UPRT: variants seen among roughly 807,000 people sequenced by gnomAD.
The protein encoded by UPRT is RP11-311P8.3.
In UPRT, 5 loss-of-function variants were observed where a neutral mutation model predicts 22.6. That is an observed-to-expected ratio of 0.22 (90% CI 0.12 to 0.47). The LOEUF (loss-of-function observed/expected upper bound fraction) is 0.47. Ranked by LOEUF, UPRT falls within the 20% of genes least tolerant of loss-of-function variation. The pLI is 0.99. For synonymous variants in UPRT, 77 were observed against 87.7 expected, an observed-to-expected ratio of 0.88 and a Z score of 0.68; for missense variants, 181 against 239.9, an observed-to-expected ratio of 0.75 and a Z score of 1.62.
At chrX:75,270,034 A>G (rs934422593), upstream of UPRT, among the ~76,000 whole-genome samples, 2 of 111,806 alleles carry the variant, frequency 1.8e-5, no homozygotes, top group East Asian at 2.8e-4. Flanking sequence ...TCCAGAATCT[A>G]TAAAAACGTA....
chrX:75,171,875 G>A (rs368342379), intron 4 of UPRT, among the ~76,000 whole-genome samples: 1 of 111,486 alleles, frequency 9.0e-6, no homozygotes, highest in East Asian at 2.8e-4. Context: ...CACCCAGCAG[G>A]GCTCCCAGGC....
intron 4 of UPRT, among the ~76,000 whole-genome samples, chrX:75,232,068 G>A (rs1023094085): frequency 4.5e-5 from 5 of 111,627 alleles, no homozygotes; most frequent in African/African-American, 1.3e-4. Context: ...GTGGGCGCAG[G>A]TCAGTGGGTG....
At chrX:75,237,830 G>GGA (rs1192402987) in intron 4 of UPRT, among the ~76,000 whole-genome samples, 38 of 103,575 alleles carry the variant, frequency 3.7e-4, no homozygotes, top group African/African-American at 1.2e-3. Context: ...GATAGCATTG[G>GGA]GAGATATACC....
intron 4 of UPRT, among the ~76,000 whole-genome samples, chrX:75,206,930 T>C (rs1602453696): frequency 8.9e-6 from 1 of 112,366 alleles, no homozygotes; most frequent in South Asian, 3.7e-4. Flanking sequence ...TCCCAAAGTG[T>C]TGAGATTACA....
At chrX:75,205,701 A>G (rs973091975) in intron 4 of UPRT, among the ~76,000 whole-genome samples, 4 of 111,872 alleles carry the variant, frequency 3.6e-5, no homozygotes, top group South Asian at 3.7e-4. Context: ...TGCAATCCAG[A>G]TGCAGCTCTC....
chrX:75,213,704 CTT>C (rs1400695393), intron 4 of UPRT, among the ~76,000 whole-genome samples: 1 of 110,869 alleles, frequency 9.0e-6, no homozygotes, highest in Admixed American at 9.6e-5. Flanking sequence ...ACAAAGCAGA[CTT>C]CAGAGCAAAA....
At chrX:75,234,086 G>A (rs1232252803) in intron 4 of UPRT, among the ~76,000 whole-genome samples, 3 of 110,340 alleles carry the variant, frequency 2.7e-5, no homozygotes, top group Non-Finnish European at 5.7e-5. Flanking sequence ...AAAGGATGGA[G>A]GAAGATCTAC....
chrX:75,194,161 G>T (rs926510251), intron 4 of UPRT, among the ~76,000 whole-genome samples: 1 of 111,503 alleles, frequency 9.0e-6, no homozygotes, highest in Non-Finnish European at 1.9e-5. Context: ...GATGTCCTTG[G>T]GAGTTTGGTT....
At chrX:75,292,525 A>T (rs1264545684) in intron 1 of UPRT, among the ~76,000 whole-genome samples, 1 of 111,811 alleles carries the variant, frequency 8.9e-6, no homozygotes, top group Non-Finnish European at 1.9e-5. Flanking sequence ...AGGGAAATCA[A>T]ATGCAACTTG....
intron 1 of UPRT, among the ~76,000 whole-genome samples, chrX:75,284,914 T>C (rs10126516): frequency 0.011 from 1,230 of 110,435 alleles, 15 homozygotes; most frequent in African/African-American, 0.039. Flanking sequence ...GGAAGGAACA[T>C]TAGGTGGGGG....
At chrX:75,270,459 T>A (rs2082604921), upstream of UPRT, among the ~76,000 whole-genome samples, 1 of 111,805 alleles carries the variant, frequency 8.9e-6, no homozygotes, top group African/African-American at 3.3e-5. Flanking sequence ...GGCACACATG[T>A]GTTTATTGTA....
intron 4 of UPRT, among the ~76,000 whole-genome samples, chrX:75,203,579 C>T (rs1255302565): frequency 2.7e-5 from 3 of 109,739 alleles, no homozygotes; most frequent in South Asian, 4.0e-4. Flanking sequence ...TTATGTCCAG[C>T]GTAAGGCCTA....
intron 4 of UPRT, among the ~76,000 whole-genome samples, chrX:75,187,843 G>A (rs1369588228): frequency 1.8e-5 from 2 of 111,909 alleles, no homozygotes; most frequent in East Asian, 2.8e-4. Flanking sequence ...CATTCTTCAC[G>A]TAGTTGTCCA....
At chrX:75,192,309 T>C (rs988337639) in intron 4 of UPRT, among the ~76,000 whole-genome samples, 3 of 107,536 alleles carry the variant, frequency 2.8e-5, no homozygotes, top group African/African-American at 9.9e-5. Context: ...TTTATTGCAC[T>C]GTGGTCCAAG....
rs1030276471 is a variant in UPRT, at chrX:75,173,651, A to G, written c.-447+5772A>G. Among the ~76,000 whole-genome samples the G allele has an allele frequency of 2.7e-5, 3 of 112,437 alleles. 1 individual carries two copies. The highest frequency in any genetic ancestry group is 8.4e-3 in the Middle Eastern group (2 of 239). ...GACTGGGTGCCATGGAGCAGGGGGAAGTGCTCGTCGGGGAGGCTCGGGCCA... is the reference window on the plus strand; with the variant it reads ...GACTGGGTGCCATGGAGCAGGGGGAGGTGCTCGTCGGGGAGGCTCGGGCCA... On this transcript the variant is annotated intron_variant, in intron 4 of 13. Transcript: ENST00000652605.
At position 75,165,967 on chromosome X, in the gene UPRT, A is replaced by T. The variant is rs947981601; in HGVS notation, c.-520-1839A>T. On this transcript the variant is annotated intron_variant, in intron 3 of 13. Transcript: ENST00000652605. ...TATCATGGAAAGTTTCTGAAATATA[A>T]CTTATTCTCTAGCTCATTCAGATTA... Among the ~76,000 whole-genome samples the T allele has an allele frequency of 5.4e-5, 6 of 111,733 alleles. No homozygotes were observed. The East Asian group carries it at 1.7e-3, about 31-fold the overall frequency.
At chrX:75,178,561 T>C (rs1422596368) in intron 4 of UPRT, among the ~76,000 whole-genome samples, 1 of 111,447 alleles carries the variant, frequency 9.0e-6, no homozygotes, top group Non-Finnish European at 1.9e-5. Flanking sequence ...GAGTCTGTCC[T>C]TTTTGATGTT....
chrX:75,181,150 A>C (rs1306553441), intron 4 of UPRT, among the ~76,000 whole-genome samples: 1 of 110,488 alleles, frequency 9.1e-6, no homozygotes, highest in African/African-American at 3.3e-5. Context: ...TTTTGTCAAA[A>C]ATCAGATTGG....
chrX:75,254,808 G>A (rs370562171), intron 4 of UPRT, among the ~76,000 whole-genome samples: 4 of 84,978 alleles, frequency 4.7e-5, no homozygotes, highest in South Asian at 6.8e-4. Context: ...TCGCTCTGTC[G>A]CCCAGGCCAG....
Sources: allele counts gnomAD v4.1 joint callset (sites outside exome capture counted in the v4.1 genomes callset), GRCh38; gene constraint gnomAD v4.1.1; transcripts MANE v1.5; gene names NCBI Gene and HGNC (gene_info 2026-07-23, HGNC 2026-07-21).